The following KCNN2 variants were observed in gnomAD, a reference collection of about 807,000 sequenced individuals.
KCNN2 encodes potassium calcium-activated channel subfamily N member 2.
In KCNN2, 24 loss-of-function variants were observed where a neutral mutation model predicts 55.5. The observed-to-expected ratio is 0.43, with a 90% CI of 0.31 to 0.61. KCNN2 has a LOEUF of 0.61. Among genes scored for constraint, KCNN2 ranks in the 20% least tolerant of loss-of-function variants. KCNN2 has a pLI of 0.08. For missense variants in KCNN2, 754 were observed against 853.6 expected (o/e 0.88, Z 1.45); for synonymous variants, 431 against 336.1 (o/e 1.28, Z -3.09).
intron 1 of KCNN2, among the ~76,000 whole-genome samples, chr5:114,141,570 T>C (rs563163319): frequency 6.6e-6 from 1 of 152,312 alleles, no homozygotes; most frequent in African/African-American, 2.4e-5. Flanking sequence ...TTTGCTATTG[T>C]GAATAGTGCT....
At chr5:114,235,727 T>C (rs1373325171) in intron 2 of KCNN2, among the ~76,000 whole-genome samples, 1 of 152,230 alleles carries the variant, frequency 6.6e-6, no homozygotes, top group Non-Finnish European at 1.5e-5. Context: ...AAAACATCAC[T>C]GAAGATACAT....
chr5:114,431,771 A>G (rs1354044216), intron 3 of KCNN2, among the ~76,000 whole-genome samples: 1 of 152,090 alleles, frequency 6.6e-6, no homozygotes, highest in East Asian at 1.9e-4. Context: ...ATTTTGATAC[A>G]TTGTATTTTC....
intron 3 of KCNN2, among the ~76,000 whole-genome samples, chr5:114,450,942 G>A (rs1760646780): frequency 1.3e-5 from 2 of 152,108 alleles, no homozygotes; most frequent in African/African-American, 2.4e-5. Context: ...AAATAGTTTT[G>A]CTCAGTAGTA....
Position 114,481,573 on chromosome 5 carries a change from G to C in KCNN2, c.1891-5477G>C, listed in dbSNP as rs574554317. 4.6e-5 allele frequency among the ~76,000 whole-genome samples: 7 copies of C among 152,250 alleles called. No homozygotes were observed. In the East Asian group the frequency reaches 7.7e-4, roughly 17 times the overall value. On this transcript the variant is annotated intron_variant, in intron 5 of 7. Coordinates refer to ENST00000673685, the MANE Select transcript of KCNN2 (RefSeq NM_021614.4). ...AAAATTTACATGGAACCAAAAAAGA[G>C]TTGGAGTTGCCAAGACAATCCTAAG... is the stretch of plus-strand genomic sequence containing the variant.
intron 1 of KCNN2, among the ~76,000 whole-genome samples, chr5:114,137,723 C>A (rs1005638516): frequency 6.6e-5 from 10 of 151,214 alleles, no homozygotes; most frequent in African/African-American, 2.2e-4. Context: ...AAAAGTAGCT[C>A]CAATAATGTT....
intron 2 of KCNN2, among the ~76,000 whole-genome samples, chr5:114,386,254 C>A (rs1283293481): frequency 6.7e-6 from 1 of 150,302 alleles, no homozygotes; most frequent in Non-Finnish European, 1.5e-5. Flanking sequence ...TGCTTGAGAG[C>A]AGTGGAATCT....
intron 2 of KCNN2, among the ~76,000 whole-genome samples, chr5:114,289,180 C>A (rs1233009542): frequency 1.3e-5 from 2 of 152,050 alleles, no homozygotes; most frequent in East Asian, 3.9e-4. Context: ...TTTCTGAACT[C>A]TTAGTTCTGT....
chr5:114,071,664 A>G (rs917374030), intron 1 of KCNN2, among the ~76,000 whole-genome samples: 1 of 152,238 alleles, frequency 6.6e-6, no homozygotes, highest in Non-Finnish European at 1.5e-5. Context: ...AAAGTGAATG[A>G]ATGTATACAT....
intron 1 of KCNN2, among the ~76,000 whole-genome samples, chr5:114,172,467 G>A (rs1753058382): frequency 6.6e-6 from 1 of 151,434 alleles, no homozygotes; most frequent in Admixed American, 6.6e-5. Flanking sequence ...ATGTTCACAA[G>A]TTCTTAACAA....
intron 4 of KCNN2, among the ~76,000 whole-genome samples, chr5:114,470,539 T>C (rs1761679559): frequency 6.6e-6 from 1 of 152,224 alleles, no homozygotes; most frequent in Non-Finnish European, 1.5e-5. Context: ...TAGAACTCTT[T>C]CTTTAGACTT....
chr5:114,350,016 C>T (rs58003154), intron 2 of KCNN2, among the ~76,000 whole-genome samples: 5,574 of 152,036 alleles, frequency 0.037, 308 homozygotes, highest in African/African-American at 0.12. Flanking sequence ...AGTGCCTATG[C>T]TTTTCATGTG....
At chr5:114,371,376 A>G (rs1263585223) in intron 2 of KCNN2, among the ~76,000 whole-genome samples, 1 of 152,194 alleles carries the variant, frequency 6.6e-6, no homozygotes, top group African/African-American at 2.4e-5. Flanking sequence ...AGAGTTGATC[A>G]TTCTCTGACA....
chr5:114,241,325 A>T (rs1043831180), intron 2 of KCNN2, among the ~76,000 whole-genome samples: 1 of 151,964 alleles, frequency 6.6e-6, no homozygotes, highest in African/African-American at 2.4e-5. Flanking sequence ...ATATAGTAGG[A>T]TAAATTTTGG....
intron 2 of KCNN2, among the ~76,000 whole-genome samples, chr5:114,348,298 G>C (rs925607608): frequency 1.3e-5 from 2 of 149,264 alleles, no homozygotes; most frequent in African/African-American, 4.9e-5. Flanking sequence ...GGGAGGGAGA[G>C]CATTAGGAGA....
At chr5:114,379,189 C>T (rs1425045051) in intron 2 of KCNN2, among the ~76,000 whole-genome samples, 2 of 151,954 alleles carry the variant, frequency 1.3e-5, no homozygotes, top group African/African-American at 2.4e-5. Context: ...AAGGGCACCA[C>T]TGTCCACCTG....
intron 2 of KCNN2, among the ~76,000 whole-genome samples, chr5:114,293,917 T>G (rs1755950735): frequency 6.6e-6 from 1 of 152,238 alleles, no homozygotes; most frequent in Non-Finnish European, 1.5e-5. Context: ...TGGTTCAGTC[T>G]TGGGAGGGTG....
intron 5 of KCNN2, chr5:114,486,760 TAA>T (rs574199054): frequency 2.6e-4 from 277 of 1,053,006 alleles, no homozygotes; most frequent in East Asian, 5.2e-4. Flanking sequence ...ACCCCTTGAT[TAA>T]AAAAAAAAAA....
chr5:114,370,318 C>T (rs758213212), intron 2 of KCNN2, among the ~76,000 whole-genome samples: 3 of 151,996 alleles, frequency 2.0e-5, no homozygotes, highest in Non-Finnish European at 4.4e-5. Flanking sequence ...CAGGTGAAGT[C>T]TCATTTTATT....
intron 3 of KCNN2, among the ~76,000 whole-genome samples, chr5:114,408,692 C>T (rs1759021106): frequency 6.6e-6 from 1 of 152,164 alleles, no homozygotes; most frequent in African/African-American, 2.4e-5. Context: ...ATATATACAT[C>T]TCCATGGGTG....
Sources: allele counts gnomAD v4.1 joint callset (sites outside exome capture counted in the v4.1 genomes callset), GRCh38; gene constraint gnomAD v4.1.1; transcripts MANE v1.5; gene names NCBI Gene and HGNC (gene_info 2026-07-23, HGNC 2026-07-21).